The following CAD variants were observed in gnomAD, a reference collection of about 807,000 sequenced individuals.
CAD encodes the protein multifunctional protein CAD.
In CAD, 81 loss-of-function variants were observed where a neutral mutation model predicts 237.2. The ratio of observed to expected loss-of-function variants is 0.34; its 90% CI spans 0.29 to 0.41. The LOEUF is 0.41. Among genes scored for constraint, CAD ranks in the 10% least tolerant of loss-of-function variants. CAD has a pLI of 1.00. For missense variants in CAD, 2,181 were observed against 2,951.7 expected, an observed-to-expected ratio of 0.74 and a Z score of 6.05; for synonymous variants, 1,196 against 1,162.8, an observed-to-expected ratio of 1.03 and a Z score of -0.58.
chr2:27,223,587 G>A lies in CAD; in HGVS notation c.834G>A (p.Gln278=), dbSNP rs753199599. ...KMRYGNRGHN[Q]PCLLVGSGRC... ...GATATGGGAACCGAGGCCATAACCA[G>A]CCCTGCTTGTTGGTGGGCTCTGGGC... The change falls in exon 7 of 44, where the codon CAG becomes CAA. Residue 278 remains glutamine, a synonymous_variant. Coordinates refer to ENST00000264705, the MANE Select transcript of CAD (RefSeq NM_004341.5). 1.9e-6 allele frequency: 3 copies of A among 1,613,136 alleles called. No individual in the cohort carries two copies. The highest frequency in any genetic ancestry group is 1.3e-5 in the African/African-American group (1 of 74,892).
chr2:27,234,827 C>G, intron 23 of CAD, 142 bp downstream of exon 23: 1 of 797,980 alleles, frequency 1.3e-6, no homozygotes, highest in Admixed American at 2.8e-5. Context: ...GTCATTGTCC[C>G]TTAAGAGCTT....
rs752692360 is a variant in CAD at position 27,241,153 on chromosome 2, C to A, written c.5734C>A (p.Pro1912Thr). ...QNLGTPGLLH[P>T]QTSPLLHSLV... ...CCTGGGGACCCCTGGCTTGCTGCACCCCCAGACCTCACCCCTGCTGCACTC... is the reference window on the plus strand; with the variant it reads ...CCTGGGGACCCCTGGCTTGCTGCACACCCAGACCTCACCCCTGCTGCACTC... Residue 1912 changes from proline to threonine, a missense_variant, in exon 37 of 44, where the codon CCC (proline) becomes ACC (threonine). By Grantham distance (38) the Pro-to-Thr change is conservative (BLOSUM62 -1). This residue lies in a region of CAD where 203 missense variants were observed against 284.5 expected (regional missense o/e 0.71). Transcript: ENST00000264705. This position sits in a 1 kb window ranked among gnomAD's most constrained non-coding sequence, Gnocchi z 4.6. 6.2e-7 allele frequency: 1 copy of A among 1,612,954 alleles called. No homozygotes were observed. Among genetic ancestry groups the A allele is most frequent in the Non-Finnish European group, 8.5e-7 (1 of 1,179,522 alleles).
At chr2:27,231,397 CATT>C (rs1275140927) in intron 15 of CAD, 68 bp from the exon 16 acceptor site, 1 of 837,708 alleles carries the variant, frequency 1.2e-6, no homozygotes, top group Non-Finnish European at 2.1e-6. Context: ...AAACCATAAG[CATT>C]ATGGGCAGTG....
chr2:27,235,121 A>G lies in CAD; in HGVS notation c.3787-124A>G, dbSNP rs764401125. 6.5e-4 allele frequency: 555 copies of G among 850,112 alleles called. No homozygotes were observed. Among genetic ancestry groups the G allele is most frequent in the Admixed American group, 8.1e-4 (27 of 33,136 alleles). The allele number at this position is 850,112 out of a possible 1,614,324, so 52.7% of individuals were successfully genotyped here. ...ACGTTTGGAAAGCAGGAGGGCACAC[A>G]GAGAGGGCAGGCTGACCCTGCCATT... On this transcript the variant is annotated intron_variant, in intron 23 of 43. Transcript: ENST00000264705. This position sits in a 1 kb window ranked among gnomAD's most constrained non-coding sequence, Gnocchi z 5.2.
chr2:27,217,417 G>T lies in CAD; in HGVS notation c.-135G>T. The T allele has an allele frequency of 1.3e-6, 1 of 768,208 alleles. No homozygotes were observed. Among genetic ancestry groups the T allele is most frequent in the Non-Finnish European group, 2.2e-6 (1 of 450,624 alleles). 47.6% of individuals were successfully genotyped at this position (768,208 alleles called of 1,614,324 possible). On this transcript the variant is annotated 5_prime_UTR_variant, in exon 1 of 44. Coordinates refer to ENST00000264705, the MANE Select transcript of CAD (RefSeq NM_004341.5). The stretch of plus-strand genomic sequence containing the variant: ...GCGCCCGAGGCTCCTACGCTGCCGC[G>T]CCCGGCTTCTCTCCAGCGCCCCGCG...
intron 12 of CAD, 42 bp from the exon 13 acceptor site, chr2:27,226,089 G>T: frequency 6.3e-7 from 1 of 1,591,606 alleles, no homozygotes; most frequent in South Asian, 1.1e-5. Context: ...TGCCTCTCCT[G>T]ACTCTGCTTG....
chr2:27,243,274 C>A lies in CAD; in HGVS notation c.6557C>A (p.Pro2186His). 1 of 1,614,056 alleles carries A rather than the reference C, an allele frequency of 6.2e-7. No homozygotes were observed. The highest frequency in any genetic ancestry group is 8.5e-7 in the Non-Finnish European group (1 of 1,180,014). ...AAGATGGTGGTGATGCACCCGATGC[C>A]CCGTGTCAACGAGATAAGGTGGTGC... ...KKKMVVMHPM[P>H]RVNEISVEVD... Residue 2186 changes from proline to histidine, a missense_variant, in exon 43 of 44, where the codon CCC becomes CAC. By Grantham distance (77) the Pro-to-His change is moderately conservative. Around this residue, in one of 12 missense-constraint regions of CAD, gnomAD observed 170 missense variants for 212.1 expected, o/e 0.80. Transcript: ENST00000264705.
At position 27,232,517 on chromosome 2, in the gene CAD, A is replaced by G. The variant is rs1016972225; in HGVS notation, c.2715A>G (p.Thr905=). The G allele has an allele frequency of 6.2e-7, 1 of 1,614,110 alleles. No individual in the cohort carries two copies. The highest frequency in any genetic ancestry group is 8.5e-7 in the Non-Finnish European group (1 of 1,180,032). The change falls in exon 18 of 44, where the codon ACA becomes ACG. Residue 905 remains threonine (T), a synonymous_variant. Coordinates refer to ENST00000264705, the MANE Select transcript of CAD (RefSeq NM_004341.5). This position sits in a 1 kb window ranked among gnomAD's most constrained non-coding sequence, Gnocchi z 4.1. ...GICPAVKQID[T]VAAEWPAQTN... is the part of the protein sequence containing the mutation. ...GTCCAGCAGTGAAACAGATTGACAC[A>G]GTTGCAGCTGAGTGGCCAGCCCAGA...
chr2:27,233,617 C>T lies in CAD; in HGVS notation c.3217-9C>T, dbSNP rs376011557. ...TGAACAACTCAGCTAAGCTCCCTGC[C>T]TCCTGTAGTCTGCTCGCCAATTCTG... On this transcript the variant is annotated splice_polypyrimidine_tract_variant and intron_variant, in intron 20 of 43. Coordinates refer to ENST00000264705, the MANE Select transcript of CAD (RefSeq NM_004341.5). This position sits in a 1 kb window ranked among gnomAD's most constrained non-coding sequence, Gnocchi z 6.3. 6.2e-7 allele frequency: 1 copy of T among 1,613,980 alleles called. No homozygotes were observed. Among genetic ancestry groups the T allele is most frequent in the Non-Finnish European group, 8.5e-7 (1 of 1,180,032 alleles).
At position 27,241,278 on chromosome 2, in the gene CAD, A is replaced by AG; in HGVS notation, c.5809-43dup. The AG allele has an allele frequency of 6.2e-7, 1 of 1,613,858 alleles. No homozygotes were observed. Among genetic ancestry groups the AG allele is most frequent in the Non-Finnish European group, 8.5e-7 (1 of 1,179,858 alleles). Reference sequence around the variant, plus strand: ...CACCCAGAGCTTTGAGGATTTGGAAAGCTGGGGCTAGGACCTTTCTAGCTA... The same window carrying AG: ...CACCCAGAGCTTTGAGGATTTGGAAAGGCTGGGGCTAGGACCTTTCTAGCTA... On this transcript the variant is annotated intron_variant, in intron 37 of 43. Coordinates refer to ENST00000264705, the MANE Select transcript of CAD (RefSeq NM_004341.5). This position sits in a 1 kb window ranked among gnomAD's most constrained non-coding sequence, Gnocchi z 4.6.
chr2:27,235,873 C>CAAA lies in CAD; in HGVS notation c.4074+245_4074+247dup, dbSNP rs768042691. 96 of 335,992 alleles carry CAAA rather than the reference C, an allele frequency of 2.9e-4. No homozygotes were observed. The highest frequency in any genetic ancestry group is 4.8e-4 in the South Asian group (10 of 20,800). 20.8% of individuals were successfully genotyped at this position (335,992 alleles called of 1,614,324 possible). A position where few individuals can be genotyped will look rare whatever the true frequency, so the allele number is the denominator to read the frequency against. On this transcript the variant is annotated intron_variant, in intron 25 of 43. Transcript: ENST00000264705. The surrounding 1 kb of genome is among the most constrained non-coding windows in gnomAD (Gnocchi z 5.2). ...CTTGGGAAACAGTGAGATGCTGTCTCAAAAAAAAAAAAAACAAAGAATTAT... is the reference window on the plus strand; with the variant it reads ...CTTGGGAAACAGTGAGATGCTGTCTCAAAAAAAAAAAAAAAAACAAAGAATTAT...
At chr2:27,220,830 C>T (rs373721247) in intron 2 of CAD, among the ~76,000 whole-genome samples, 29 of 151,942 alleles carry the variant, frequency 1.9e-4, no homozygotes, top group African/African-American at 5.8e-4. Flanking sequence ...TGGTGGCGGG[C>T]GCCTGTAGTC....
intron 31 of CAD, 112 bp downstream of exon 31, chr2:27,238,744 T>G: frequency 9.9e-7 from 1 of 1,005,642 alleles, no homozygotes; most frequent in South Asian, 1.6e-5. Flanking sequence ...AGGGTCTTGA[T>G]CCGTATGGGA....
Position 27,232,202 on chromosome 2 carries a change from C to T in CAD, c.2623C>T (p.Gln875Ter), listed in dbSNP as rs1675794101. The change falls in exon 17 of 44, where the codon CAG becomes TAG. Residue 875 changes from glutamine (Q) to a stop codon, truncating the protein, a stop_gained. Transcript: ENST00000264705. LOFTEE classifies it high-confidence loss of function. The surrounding 1 kb of genome is among the most constrained non-coding windows in gnomAD (Gnocchi z 4.1). ...QAKCLGFSDK[Q>*]IALAVLSTEL... Reference sequence around the variant, plus strand: ...CAAGTGTCTTGGCTTCTCAGACAAACAGATTGCCCTTGCAGTTCTGAGGTC... The same window carrying T: ...CAAGTGTCTTGGCTTCTCAGACAAATAGATTGCCCTTGCAGTTCTGAGGTC... 6.2e-7 allele frequency: 1 copy of T among 1,614,070 alleles called. No homozygotes were observed. Among genetic ancestry groups the T allele is most frequent in the African/African-American group, 1.3e-5 (1 of 74,952 alleles).
At chr2:27,227,899 C>G (rs897357661) in intron 15 of CAD, among the ~76,000 whole-genome samples, 2 of 152,208 alleles carry the variant, frequency 1.3e-5, no homozygotes, top group Admixed American at 1.3e-4. Flanking sequence ...ATTAATTCGA[C>G]CGTGTATCTG....
At chr2:27,231,886 C>T in intron 16 of CAD, 94 bp from the exon 17 acceptor site, 1 of 1,472,318 alleles carries the variant, frequency 6.8e-7, no homozygotes, top group Non-Finnish European at 9.4e-7. Flanking sequence ...CTCTGGTGTA[C>T]AGTTTCCCCT....
In CAD at chr2:27,232,054, C is replaced by T; in HGVS notation, c.2475C>T (p.Arg825=). 6.2e-7 allele frequency: 1 copy of T among 1,614,200 alleles called. No individual in the cohort carries two copies. The highest frequency in any genetic ancestry group is 8.5e-7 in the Non-Finnish European group (1 of 1,180,036). ...AALWAGYSVD[R]LYELTRIDRW... is the part of the protein sequence containing the mutation. ...TGTGGGCTGGTTATTCAGTGGACCG[C>T]CTGTATGAGCTCACACGCATCGACC... The change falls in exon 17 of 44, where the codon CGC becomes CGT. Residue 825 remains arginine, a synonymous_variant. Coordinates refer to ENST00000264705, the MANE Select transcript of CAD (RefSeq NM_004341.5). This position sits in a 1 kb window ranked among gnomAD's most constrained non-coding sequence, Gnocchi z 4.1.
At position 27,221,308 on chromosome 2, in the gene CAD, C is replaced by T. The variant is rs1248417378; in HGVS notation, c.313C>T (p.His105Tyr). 5 of 1,585,602 alleles carry T rather than the reference C, an allele frequency of 3.2e-6. No individual in the cohort carries two copies. The South Asian group carries it at 4.7e-5, about 15-fold the overall frequency. ...PSHWSATRTL[H>Y]EWLQQHGIPG... The stretch of plus-strand genomic sequence containing the variant: ...CCACTGGAGTGCCACCCGCACCCTG[C>T]ATGAGTGGCTGCAGCAGCATGGCAT... Residue 105 changes from histidine (H) to tyrosine (Y), a missense_variant, in exon 3 of 44, where the codon CAT (histidine) becomes TAT (tyrosine). Coordinates refer to ENST00000264705, the MANE Select transcript of CAD (RefSeq NM_004341.5).
intron 43 of CAD, 37 bp from the exon 44 acceptor site, chr2:27,243,379 G>A (rs751192904): frequency 2.7e-5 from 42 of 1,572,234 alleles, no homozygotes; most frequent in Non-Finnish European, 3.6e-5. Flanking sequence ...TGGGCTGCAC[G>A]ATAACACTTC....
Sources: allele counts gnomAD v4.1 joint callset (sites outside exome capture counted in the v4.1 genomes callset), GRCh38; gene constraint gnomAD v4.1.1; regional missense constraint gnomAD v4.1.1; non-coding constraint Gnocchi (gnomAD v3.1); transcripts MANE v1.5; gene names NCBI Gene and HGNC (gene_info 2026-07-23, HGNC 2026-07-21).